ASIP: variants seen among roughly 807,000 people sequenced by gnomAD.
ASIP encodes agouti-signaling protein.
Under a neutral mutation model 10.3 loss-of-function variants are expected in ASIP, and 11 were observed. The ratio of observed to expected loss-of-function variants is 1.07; its 90% CI spans 0.68 to 1.78. ASIP has a LOEUF of 1.78. Among genes scored for constraint, ASIP ranks in the 40% most tolerant of loss-of-function variants. ASIP has a pLI of 0.00. For synonymous variants in ASIP, 70 were observed against 70.8 expected (o/e 0.99, Z 0.06); for missense variants, 180 against 169.2 (o/e 1.06, Z -0.35).
intron 1 of ASIP, among the ~76,000 whole-genome samples, chr20:34,203,645 C>A (rs1163275357): frequency 6.6e-6 from 1 of 152,206 alleles, no homozygotes; most frequent in Non-Finnish European, 1.5e-5. Context: ...GATCCTCCCA[C>A]CTCGGCCTCC....
Position 34,244,540 on chromosome 20 carries a change from G to A in ASIP, c.-11+3051G>A, listed in dbSNP as rs150862596. Among the ~76,000 whole-genome samples the A allele has an allele frequency of 1.4e-3, 211 of 152,210 alleles. 1 individual carries two copies. Among genetic ancestry groups the A allele is most frequent in the African/African-American group, 4.8e-3 (200 of 41,516 alleles). Reference sequence around the variant, plus strand: ...AAAATATGATTCTTTAAACATATGCGTAATATTCTACCACACAATGTGCCA... The same window carrying A: ...AAAATATGATTCTTTAAACATATGCATAATATTCTACCACACAATGTGCCA... On this transcript the variant is annotated intron_variant, in intron 1 of 3. Transcript: ENST00000374954.
At chr20:34,207,161 ATT>A (rs766562854) in intron 1 of ASIP, among the ~76,000 whole-genome samples, 2 of 152,130 alleles carry the variant, frequency 1.3e-5, no homozygotes, top group African/African-American at 2.4e-5. Flanking sequence ...CCTTACCAGC[ATT>A]TGTTATTTTT....
At chr20:34,208,672 A>G (rs186878410) in intron 1 of ASIP, among the ~76,000 whole-genome samples, 97 of 152,322 alleles carry the variant, frequency 6.4e-4, no homozygotes, top group African/African-American at 2.2e-3. Context: ...TGGTGTGTAG[A>G]TAAGGACTGC....
In ASIP at chr20:34,262,816, T is replaced by C. The variant is rs1331367230; in HGVS notation, c.161-16T>C. Reference sequence around the variant, plus strand: ...CCAGAAACATCTGACTTTGCTCCTTTTGTCTCTCTTTGAAGCGCTGAACAA... The same window carrying C: ...CCAGAAACATCTGACTTTGCTCCTTCTGTCTCTCTTTGAAGCGCTGAACAA... On this transcript the variant is annotated splice_polypyrimidine_tract_variant and intron_variant, in intron 2 of 3. Transcript: ENST00000374954. The C allele has an allele frequency of 1.9e-6, 3 of 1,613,716 alleles. No individual in the cohort carries two copies. The highest frequency in any genetic ancestry group is 2.2e-5 in the South Asian group (2 of 91,076).
chr20:34,235,797 G>T (rs536793938), intron 1 of ASIP, among the ~76,000 whole-genome samples: 4 of 47,886 alleles, frequency 8.4e-5, no homozygotes, highest in African/African-American at 8.2e-4. Context: ...AAGAAAGAAA[G>T]AAAGAAAGAA....
chr20:34,222,978 C>T (rs950807838), intron 1 of ASIP, among the ~76,000 whole-genome samples: 9 of 152,092 alleles, frequency 5.9e-5, no homozygotes, highest in African/African-American at 2.2e-4. Context: ...CGGCTCACTA[C>T]AACCTACACC....
intron 1 of ASIP, among the ~76,000 whole-genome samples, chr20:34,226,456 G>T (rs964848534): frequency 2.6e-5 from 4 of 152,010 alleles, no homozygotes; most frequent in African/African-American, 7.3e-5. Flanking sequence ...GGGTTCAAGC[G>T]ATTCTCCTGC....
intron 1 of ASIP, among the ~76,000 whole-genome samples, chr20:34,196,380 A>C (rs1024859945): frequency 2.0e-5 from 3 of 151,830 alleles, no homozygotes; most frequent in African/African-American, 7.2e-5. Flanking sequence ...TCACTGTGTT[A>C]GCCAGGATGG....
the ASIP span, among the ~76,000 whole-genome samples, chr20:34,188,358 A>G: frequency 2.0e-5 from 3 of 152,220 alleles, no homozygotes; most frequent in Non-Finnish European, 4.4e-5. Flanking sequence ...TAAGTTAAAC[A>G]GAAGATGACT....
At chr20:34,256,451 C>T (rs1481199673) in intron 1 of ASIP, among the ~76,000 whole-genome samples, 1 of 152,172 alleles carries the variant, frequency 6.6e-6, no homozygotes, top group East Asian at 1.9e-4. Flanking sequence ...GGGCTGGACC[C>T]GATAACACCC....
intron 1 of ASIP, among the ~76,000 whole-genome samples, chr20:34,220,590 C>T (rs1393979623): frequency 7.5e-6 from 1 of 134,096 alleles, no homozygotes; most frequent in Non-Finnish European, 1.5e-5. Context: ...GCGAGACCTT[C>T]TCTCAAAAAA....
chr20:34,247,270 C>T (rs116631777), intron 1 of ASIP, among the ~76,000 whole-genome samples: 160 of 149,464 alleles, frequency 1.1e-3, no homozygotes, highest in African/African-American at 3.5e-3. Context: ...CATCTTATTA[C>T]GAAAGCTATG....
At chr20:34,254,927 C>T (rs1405736627) in intron 1 of ASIP, among the ~76,000 whole-genome samples, 2 of 152,152 alleles carry the variant, frequency 1.3e-5, no homozygotes, top group Admixed American at 6.5e-5. Context: ...CTCAGTCCAA[C>T]TGTATGGTTC....
chr20:34,201,832 GTTCTGTTATAAAGC>G (rs1442693623), intron 1 of ASIP, among the ~76,000 whole-genome samples: 4 of 152,180 alleles, frequency 2.6e-5, no homozygotes, highest in Non-Finnish European at 5.9e-5. Context: ...AGCTAATGAG[GTTCTGTTATAAAGC>G]TTCTACTTTT....
intron 3 of ASIP, among the ~76,000 whole-genome samples, chr20:34,266,151 A>C (rs2035780709): frequency 6.6e-6 from 1 of 151,754 alleles, no homozygotes; most frequent in Admixed American, 6.6e-5. Flanking sequence ...CAGGAGATCA[A>C]GACCATCCTG....
upstream of ASIP, among the ~76,000 whole-genome samples, chr20:34,237,661 G>A (rs994955622): frequency 9.9e-5 from 15 of 152,038 alleles, no homozygotes; most frequent in African/African-American, 3.6e-4. Flanking sequence ...TTGCCTAATT[G>A]TTCTAGGTAG....
intron 1 of ASIP, among the ~76,000 whole-genome samples, chr20:34,235,986 A>AGG (rs1337422124): frequency 2.0e-4 from 26 of 128,856 alleles, no homozygotes; most frequent in East Asian, 6.6e-4. Flanking sequence ...GGAAGAAGGA[A>AGG]AGAAGGAAGG....
intron 1 of ASIP, among the ~76,000 whole-genome samples, chr20:34,253,499 G>T (rs1218770072): frequency 1.3e-5 from 2 of 150,636 alleles, no homozygotes; most frequent in Admixed American, 6.7e-5. Context: ...TAGAGACAGA[G>T]TCTTGCTCCG....
chr20:34,194,740 C>T (rs2034843817), exon 1 of ASIP: 1 of 151,884 alleles, frequency 6.6e-6, no homozygotes, highest in African/African-American at 2.4e-5. Flanking sequence ...TTTCCTGGAA[C>T]AGGGCCCTGT....
Sources: gnomAD v4.1 joint callset for allele counts (sites outside exome capture counted in the v4.1 genomes callset) on GRCh38, gnomAD v4.1.1 for gene constraint, MANE v1.5 for transcripts, NCBI Gene and HGNC (gene_info 2026-07-23, HGNC 2026-07-21) for gene names.